INPP4B: variants seen among roughly 807,000 people sequenced by gnomAD.
The protein encoded by INPP4B is inositol polyphosphate 4-phosphatase type II.
INPP4B carries 55 observed loss-of-function variants against 122.5 expected under a neutral mutation model. The observed-to-expected ratio is 0.45, with a 90% confidence interval of 0.36 to 0.56. INPP4B has a LOEUF of 0.56. Among genes scored for constraint, INPP4B ranks in the 20% least tolerant of loss-of-function variants. INPP4B has a pLI of 0.00. For synonymous variants in INPP4B, 403 were observed against 388.7 expected (o/e 1.04, Z -0.43); for missense variants, 1,000 against 1,097.7 (o/e 0.91, Z 1.26).
chr4:142,145,902 C>A lies in INPP4B; in HGVS notation c.1658G>T (p.Gly553Val). 6.2e-7 allele frequency: 1 copy of A among 1,613,812 alleles called. No individual in the cohort carries two copies. The highest frequency in any genetic ancestry group is 8.5e-7 in the Non-Finnish European group (1 of 1,179,788). ...IERDGGSEGSGGNNDGEKEPS... is the reference protein window; with the variant it reads ...IERDGGSEGSVGNNDGEKEPS... Reference sequence around the variant, plus strand: ...TTCCTTTTCTCCATCATTGTTGCCGCCACTGCCTTCACTGCCACCATCTCT... The same window carrying A: ...TTCCTTTTCTCCATCATTGTTGCCGACACTGCCTTCACTGCCACCATCTCT... Residue 553 changes from glycine to valine, a missense_variant, in exon 18 of 26, where the codon GGC (glycine) becomes GTC (valine). Coordinates refer to ENST00000262992, the MANE Select transcript of INPP4B (RefSeq NM_001101669.3).
intron 2 of INPP4B, among the ~76,000 whole-genome samples, chr4:142,705,992 A>G (rs538052018): frequency 6.6e-6 from 1 of 152,348 alleles, no homozygotes; most frequent in African/African-American, 2.4e-5. Flanking sequence ...ATCCAAATCC[A>G]TTAAGGTGAC....
intron 2 of INPP4B, among the ~76,000 whole-genome samples, chr4:142,622,018 T>C (rs1745052279): frequency 6.6e-6 from 1 of 151,962 alleles, no homozygotes; most frequent in Admixed American, 6.6e-5. Flanking sequence ...AATTGAGATC[T>C]GGACCCAAAC....
At chr4:142,607,562 TC>T (rs1357532191) in intron 2 of INPP4B, among the ~76,000 whole-genome samples, 1 of 152,104 alleles carries the variant, frequency 6.6e-6, no homozygotes, top group Non-Finnish European at 1.5e-5. Context: ...TGGATGCTGG[TC>T]TGTCCAGCTG....
At chr4:142,137,116 G>A (rs1443009322) in intron 18 of INPP4B, among the ~76,000 whole-genome samples, 1 of 152,234 alleles carries the variant, frequency 6.6e-6, no homozygotes, top group African/African-American at 2.4e-5. Flanking sequence ...GAGGCATCAT[G>A]CTACCTGACT....
At chr4:142,608,328 C>T (rs868200797) in intron 2 of INPP4B, among the ~76,000 whole-genome samples, 1 of 152,086 alleles carries the variant, frequency 6.6e-6, no homozygotes, top group Non-Finnish European at 1.5e-5. Context: ...GAAAATACCA[C>T]ACCTTTGGCA....
At chr4:142,158,614 GT>G (rs1202544691) in intron 17 of INPP4B, among the ~76,000 whole-genome samples, 23 of 152,030 alleles carry the variant, frequency 1.5e-4, no homozygotes, top group Admixed American at 2.6e-4. Context: ...TCTAAGCTTT[GT>G]TGCAAAATGT....
In INPP4B at chr4:142,826,553, T is replaced by A. The variant is rs142391936; in HGVS notation, c.-254+19656A>T. Reference sequence around the variant, plus strand: ...AAAGCTAACAAACAAAACTTTCCCATTCAAATCTCTTAAAATTTTAAATTA... The same window carrying A: ...AAAGCTAACAAACAAAACTTTCCCAATCAAATCTCTTAAAATTTTAAATTA... On this transcript the variant is annotated intron_variant, in intron 1 of 25. Coordinates refer to ENST00000262992, the MANE Select transcript of INPP4B (RefSeq NM_001101669.3). Among the ~76,000 whole-genome samples the A allele has an allele frequency of 5.9e-4, 89 of 152,016 alleles. 1 individual carries two copies. The highest frequency in any genetic ancestry group is 1.9e-3 in the African/African-American group (77 of 41,490).
chr4:142,128,358 CACACACACACACACACACACAT>C (rs1317746441), intron 18 of INPP4B, among the ~76,000 whole-genome samples: 4 of 137,976 alleles, frequency 2.9e-5, no homozygotes, highest in East Asian at 2.4e-4. Context: ...CACACACACA[CACACACACACACACACACACAT>C]ACACACACAT....
intron 2 of INPP4B, among the ~76,000 whole-genome samples, chr4:142,615,042 A>G (rs1267351250): frequency 6.6e-6 from 1 of 152,198 alleles, no homozygotes; most frequent in Non-Finnish European, 1.5e-5. Context: ...ACTACTGAGT[A>G]TCCACTCAAA....
chr4:142,821,877 G>T (rs905348715), intron 1 of INPP4B, among the ~76,000 whole-genome samples: 7 of 152,160 alleles, frequency 4.6e-5, no homozygotes, highest in Non-Finnish European at 1.0e-4. Context: ...AAGTGAGGGT[G>T]TGGGGAAGTC....
In INPP4B at chr4:142,086,131, T is replaced by A. The variant is rs1377530950; in HGVS notation, c.2487+13A>T. 6.9e-7 allele frequency: 1 copy of A among 1,450,060 alleles called. No homozygotes were observed. The highest frequency in any genetic ancestry group is 1.7e-5 in the Admixed American group (1 of 59,770). 89.8% of individuals were successfully genotyped at this position (1,450,060 alleles called of 1,614,324 possible). ...ACATGGCAGGAAATAAGATTTGACA[T>A]GAGAGTGCTTACCGTTGCAGCCAGC... On this transcript the variant is annotated intron_variant, in intron 24 of 25. Transcript: ENST00000262992.
In INPP4B at chr4:142,647,220, A is replaced by T. The variant is rs559544026; in HGVS notation, c.-191+78619T>A. ...AGTTGACCATATTTCCCTCAGAAAC[A>T]TGAGAATCAGGGTCCAGGAAGGGTA... On this transcript the variant is annotated intron_variant, in intron 2 of 25. Coordinates refer to ENST00000262992, the MANE Select transcript of INPP4B (RefSeq NM_001101669.3). 1.4e-3 allele frequency among the ~76,000 whole-genome samples: 217 copies of T among 152,306 alleles called. 1 individual carries two copies. Among genetic ancestry groups the T allele is most frequent in the Non-Finnish European group, 2.3e-3 (156 of 68,020 alleles).
intron 2 of INPP4B, among the ~76,000 whole-genome samples, chr4:142,636,431 G>A (rs1238500708): frequency 2.0e-5 from 3 of 151,796 alleles, no homozygotes; most frequent in Admixed American, 6.6e-5. Flanking sequence ...TAAATAGAAG[G>A]AACTATTATT....
intron 1 of INPP4B, among the ~76,000 whole-genome samples, chr4:142,828,468 A>C (rs1159258807): frequency 6.6e-6 from 1 of 152,204 alleles, no homozygotes; most frequent in African/African-American, 2.4e-5. Flanking sequence ...TGTACATATA[A>C]TCATTCTTTT....
intron 7 of INPP4B, among the ~76,000 whole-genome samples, chr4:142,348,374 A>C (rs572034376): frequency 6.6e-6 from 1 of 152,134 alleles, no homozygotes; most frequent in East Asian, 1.9e-4. Context: ...GGTCTTGTTT[A>C]AGGAAAATAT....
chr4:142,709,339 G>A (rs74510417), intron 2 of INPP4B, among the ~76,000 whole-genome samples: 6,223 of 152,240 alleles, frequency 0.041, 153 homozygotes, highest in African/African-American at 0.054. Context: ...GTTAAGAAGG[G>A]ATGGTTGCAT....
chr4:142,674,983 T>C (rs1462290173), intron 2 of INPP4B, among the ~76,000 whole-genome samples: 1 of 151,920 alleles, frequency 6.6e-6, no homozygotes, highest in Non-Finnish European at 1.5e-5. Context: ...CAAAAGCTAG[T>C]GGAAGACAAG....
At chr4:142,649,958 G>T (rs188136646) in intron 2 of INPP4B, among the ~76,000 whole-genome samples, 1 of 152,208 alleles carries the variant, frequency 6.6e-6, no homozygotes, top group South Asian at 2.1e-4. Flanking sequence ...GTTAAGGGCA[G>T]CCAGAGAGAA....
intron 2 of INPP4B, among the ~76,000 whole-genome samples, chr4:142,722,953 G>GA (rs1167528201): frequency 3.9e-5 from 6 of 152,058 alleles, no homozygotes; most frequent in Non-Finnish European, 7.4e-5. Flanking sequence ...AATATAATCT[G>GA]TAATAAACCC....
Sources: gnomAD v4.1 joint callset for allele counts (sites outside exome capture counted in the v4.1 genomes callset) on GRCh38, gnomAD v4.1.1 for gene constraint, MANE v1.5 for transcripts, NCBI Gene and HGNC (gene_info 2026-07-23, HGNC 2026-07-21) for gene names.